LARP1B: variants seen among roughly 807,000 people sequenced by gnomAD.
The protein encoded by LARP1B is la-related protein 1B.
In LARP1B, 76 loss-of-function variants were observed where a neutral mutation model predicts 114.2. That is an observed-to-expected ratio of 0.67 (90% confidence interval 0.55 to 0.81). The LOEUF (loss-of-function observed/expected upper bound fraction) is 0.81. Among genes scored for constraint, LARP1B ranks in the 30% least tolerant of loss-of-function variants. LARP1B has a pLI of 0.00. For synonymous variants in LARP1B, 345 were observed against 348.0 expected, an observed-to-expected ratio of 0.99 and a Z score of 0.10; for missense variants, 1,014 against 1,075.8, an observed-to-expected ratio of 0.94 and a Z score of 0.80.
At chr4:128,140,544 A>G (rs1385180320) in intron 11 of LARP1B, among the ~76,000 whole-genome samples, 1 of 152,184 alleles carries the variant, frequency 6.6e-6, no homozygotes, top group African/African-American at 2.4e-5. Flanking sequence ...GTAAGTCAGA[A>G]TTTGTTCATT....
At chr4:128,071,365 T>C (rs1195891788) in intron 1 of LARP1B, among the ~76,000 whole-genome samples, 1 of 150,104 alleles carries the variant, frequency 6.7e-6, no homozygotes, top group African/African-American at 2.5e-5. Flanking sequence ...CTTTTTAAAG[T>C]AACTGTATAA....
At chr4:128,140,939 C>A (rs569259829) in intron 11 of LARP1B, among the ~76,000 whole-genome samples, 240 of 152,024 alleles carry the variant, frequency 1.6e-3, no homozygotes, top group Middle Eastern at 3.4e-3. Flanking sequence ...CCTCAGCCTC[C>A]CAAGTAGCTG....
At chr4:128,101,302 T>C (rs1408503272) in intron 8 of LARP1B, among the ~76,000 whole-genome samples, 2 of 151,750 alleles carry the variant, frequency 1.3e-5, no homozygotes, top group Non-Finnish European at 2.9e-5. Context: ...GGTCAAACTC[T>C]GTCTCTACTA....
intron 11 of LARP1B, among the ~76,000 whole-genome samples, chr4:128,139,614 C>T (rs1406441655): frequency 6.6e-6 from 1 of 151,248 alleles, no homozygotes; most frequent in African/African-American, 2.4e-5. Context: ...AGTATAAGAT[C>T]GTGCCATTGC....
chr4:128,185,522 A>T (rs1750021174), intron 15 of LARP1B, among the ~76,000 whole-genome samples: 1 of 126,410 alleles, frequency 7.9e-6, no homozygotes, highest in African/African-American at 2.7e-5. Flanking sequence ...TTAAAATGGG[A>T]TTATTTGTAT....
At chr4:128,115,262 A>T (rs533500778) in intron 10 of LARP1B, among the ~76,000 whole-genome samples, 1 of 152,282 alleles carries the variant, frequency 6.6e-6, no homozygotes, top group South Asian at 2.1e-4. Context: ...ATTTCTGAAC[A>T]TGATTTAAGA....
At chr4:128,135,205 A>T (rs1002165044) in intron 11 of LARP1B, among the ~76,000 whole-genome samples, 2 of 152,214 alleles carry the variant, frequency 1.3e-5, no homozygotes, top group African/African-American at 4.8e-5. Context: ...AAATGCAAAT[A>T]AAAAAATCAG....
chr4:128,105,751 G>C (rs1781848377), intron 8 of LARP1B, among the ~76,000 whole-genome samples: 1 of 152,082 alleles, frequency 6.6e-6, no homozygotes, highest in Non-Finnish European at 1.5e-5. Flanking sequence ...AATTAGCCGG[G>C]TGTGGTAGTG....
At chr4:128,061,511 G>T in intron 1 of LARP1B, 110 bp downstream of exon 1, 1 of 216,944 alleles carries the variant, frequency 4.6e-6, no homozygotes, top group South Asian at 1.6e-4. Context: ...GTTCGGTGCG[G>T]GGAGGGGCGT....
intron 11 of LARP1B, among the ~76,000 whole-genome samples, chr4:128,135,328 TA>T: frequency 6.6e-6 from 1 of 152,192 alleles, no homozygotes; most frequent in South Asian, 2.1e-4. Flanking sequence ...CATGTGAATG[TA>T]AAATGGTGCA....
chr4:128,125,004 C>T (rs1050447701), intron 11 of LARP1B, among the ~76,000 whole-genome samples: 1 of 151,986 alleles, frequency 6.6e-6, no homozygotes, highest in Non-Finnish European at 1.5e-5. Flanking sequence ...TGAACTGGAC[C>T]AAAGAGTGAG....
chr4:128,157,929 G>C (rs1481114706), intron 11 of LARP1B, among the ~76,000 whole-genome samples: 1 of 152,116 alleles, frequency 6.6e-6, no homozygotes, highest in East Asian at 1.9e-4. Flanking sequence ...GGTTGGAGAT[G>C]CAGGAAGAAA....
At chr4:128,219,915 C>T (rs757726019) in intron 6 of LARP1B, among the ~76,000 whole-genome samples, 11 of 152,094 alleles carry the variant, frequency 7.2e-5, no homozygotes, top group South Asian at 2.1e-4. Flanking sequence ...GACAGAGTTT[C>T]GCTCTTGTTG....
intron 15 of LARP1B, among the ~76,000 whole-genome samples, chr4:128,194,385 T>A (rs1474769073): frequency 6.6e-6 from 1 of 151,970 alleles, no homozygotes; most frequent in Non-Finnish European, 1.5e-5. Context: ...TTTGACTTTT[T>A]AAAAATAGTT....
At chr4:128,208,327 C>CAA (rs113495376) in intron 19 of LARP1B, among the ~76,000 whole-genome samples, 13 of 56,516 alleles carry the variant, frequency 2.3e-4, no homozygotes, top group South Asian at 5.5e-4. Context: ...GACTCTGTCT[C>CAA]AAAAAAAAAA....
intron 9 of LARP1B, among the ~76,000 whole-genome samples, chr4:128,112,407 G>A (rs761185993): frequency 2.1e-5 from 3 of 141,720 alleles, no homozygotes; most frequent in Admixed American, 7.2e-5. Flanking sequence ...TCCTGAGCAT[G>A]TTTCAGGACT....
chr4:128,098,768 T>TATATATATATATATG (rs58280279), intron 8 of LARP1B, among the ~76,000 whole-genome samples: 9 of 18,900 alleles, frequency 4.8e-4, no homozygotes, highest in African/African-American at 1.9e-3. Context: ...TATATATATA[T>TATATATATATATATG]TTTTTTTTTT....
intron 17 of LARP1B, among the ~76,000 whole-genome samples, chr4:128,201,880 AC>A (rs1470190545): frequency 6.6e-6 from 1 of 152,128 alleles, no homozygotes; most frequent in Non-Finnish European, 1.5e-5. Context: ...ACCTAAACTT[AC>A]CCTTCTTTAA....
downstream of LARP1B, among the ~76,000 whole-genome samples, chr4:128,212,826 A>C (rs533206116): frequency 6.6e-6 from 1 of 151,718 alleles, no homozygotes; most frequent in Non-Finnish European, 1.5e-5. Flanking sequence ...TTTTATCAAC[A>C]TCTGCTTCCC....
Sources: gnomAD v4.1 joint callset for allele counts (sites outside exome capture counted in the v4.1 genomes callset) on GRCh38, gnomAD v4.1.1 for gene constraint, MANE v1.5 for transcripts, NCBI Gene and HGNC (gene_info 2026-07-23, HGNC 2026-07-21) for gene names.